Variants in APP observed in about 807,000 individuals in gnomAD.
APP encodes the protein amyloid-beta precursor protein.
A neutral mutation model predicts 101.4 loss-of-function variants in APP; 31 were observed. That is an observed-to-expected ratio of 0.31 (90% CI 0.23 to 0.41). The LOEUF (loss-of-function observed/expected upper bound fraction) is 0.41. APP is among the 10% of genes least tolerant of loss of function. The pLI, the probability that APP is intolerant of heterozygous loss-of-function variation, is 1.00. For synonymous variants in APP, 366 were observed against 364.4 expected (o/e 1.00, Z -0.05); for missense variants, 839 against 1,003.7 (o/e 0.84, Z 2.22).
At chr21:26,157,413 G>T (rs1052920970) in intron 1 of APP, among the ~76,000 whole-genome samples, 2 of 152,138 alleles carry the variant, frequency 1.3e-5, no homozygotes, top group Non-Finnish European at 2.9e-5. Context: ...TGAAATGTTA[G>T]AAAGTAAAAC....
intron 5 of APP, among the ~76,000 whole-genome samples, chr21:26,027,276 A>G (rs774252283): frequency 1.3e-5 from 2 of 152,160 alleles, no homozygotes; most frequent in Non-Finnish European, 2.9e-5. Flanking sequence ...GAAAATGGGA[A>G]AAAAGAGTCT....
At chr21:25,986,586 G>C (rs892896338) in intron 8 of APP, among the ~76,000 whole-genome samples, 2 of 150,310 alleles carry the variant, frequency 1.3e-5, no homozygotes, top group Non-Finnish European at 2.9e-5. Context: ...TGTAATCCCA[G>C]CTACTTGGGA....
At chr21:25,974,970 T>G in intron 11 of APP, 100 bp downstream of exon 11, 1 of 1,529,782 alleles carries the variant, frequency 6.5e-7, no homozygotes, top group Non-Finnish European at 8.9e-7. Context: ...GCTCAAGGCA[T>G]TTCTCCTCAT....
chr21:25,896,925 G>A (rs1477903109), intron 16 of APP, among the ~76,000 whole-genome samples: 1 of 152,178 alleles, frequency 6.6e-6, no homozygotes, highest in African/African-American at 2.4e-5. Context: ...GTGAATTTAA[G>A]CCACATAAAG....
At chr21:25,982,201 G>T in intron 9 of APP, 143 bp downstream of exon 9, 1 of 936,028 alleles carries the variant, frequency 1.1e-6, no homozygotes, top group Non-Finnish European at 1.7e-6. Context: ...CACAAACTGT[G>T]CCCACACAGT....
chr21:25,886,077 T>C (rs2037303938), intron 17 of APP, among the ~76,000 whole-genome samples: 2 of 151,900 alleles, frequency 1.3e-5, no homozygotes, highest in African/African-American at 4.8e-5. Context: ...CAGAATCCTG[T>C]CATTGAGATG....
intron 3 of APP, among the ~76,000 whole-genome samples, chr21:26,058,933 T>C (rs1049984581): frequency 1.3e-5 from 2 of 151,598 alleles, no homozygotes; most frequent in African/African-American, 2.4e-5. Flanking sequence ...TACAAAAAAT[T>C]AGCCGGGCGT....
chr21:26,005,548 C>T (rs1473105601), intron 6 of APP, among the ~76,000 whole-genome samples: 1 of 152,170 alleles, frequency 6.6e-6, no homozygotes, highest in Non-Finnish European at 1.5e-5. Context: ...TCCTTTACAT[C>T]CCTCTCTAGC....
rs200990709 is a variant in APP, at chr21:26,170,743, C to G, written c.-123G>C. The G allele has an allele frequency of 1.3e-5, 14 of 1,056,450 alleles. No homozygotes were observed. The highest frequency in any genetic ancestry group is 3.2e-5 in the East Asian group (1 of 31,502). The allele number at this position is 1,056,450 out of a possible 1,614,324, so 65.4% of individuals were successfully genotyped here. A position where few individuals can be genotyped will look rare whatever the true frequency, so the allele number is the denominator to read the frequency against. On this transcript the variant is annotated 5_prime_UTR_variant, in exon 1 of 18. Transcript: ENST00000346798. Reference sequence around the variant, plus strand: ...CCCCGCGCACGCTCCTCCGCGTGCTCTCGCCTACCGCTGCCGAGGAAACTG... The same window carrying G: ...CCCCGCGCACGCTCCTCCGCGTGCTGTCGCCTACCGCTGCCGAGGAAACTG...
At chr21:25,974,459 C>T (rs1051527367) in intron 11 of APP, among the ~76,000 whole-genome samples, 1 of 152,046 alleles carries the variant, frequency 6.6e-6, no homozygotes, top group Non-Finnish European at 1.5e-5. Flanking sequence ...CATTAGTACC[C>T]TTATAAAAGA....
intron 1 of APP, among the ~76,000 whole-genome samples, chr21:26,132,258 GT>G (rs900831915): frequency 2.6e-5 from 4 of 152,070 alleles, no homozygotes; most frequent in African/African-American, 9.7e-5. Flanking sequence ...CAAATATGGT[GT>G]TTGGGACTCA....
chr21:26,148,848 G>A (rs2063206335), intron 1 of APP, among the ~76,000 whole-genome samples: 1 of 152,140 alleles, frequency 6.6e-6, no homozygotes, highest in African/African-American at 2.4e-5. Context: ...AATCTATTTA[G>A]ATACTTTGTA....
chr21:25,918,460 T>C (rs2039462326), intron 13 of APP, among the ~76,000 whole-genome samples: 1 of 152,084 alleles, frequency 6.6e-6, no homozygotes. Flanking sequence ...CGCATTTCCA[T>C]CTGAGATACC....
At chr21:26,010,075 T>C (rs1568850015) in intron 6 of APP, among the ~76,000 whole-genome samples, 1 of 152,136 alleles carries the variant, frequency 6.6e-6, no homozygotes, top group Non-Finnish European at 1.5e-5. Flanking sequence ...GTTAACTGGC[T>C]TCTTGTCACA....
At chr21:25,928,894 G>T (rs918656516) in intron 13 of APP, 1 of 144,028 alleles carries the variant, frequency 6.9e-6, no homozygotes, top group Non-Finnish European at 1.5e-5. Context: ...GCTAGTTTTT[G>T]TATTTTTAGT....
chr21:25,954,639 G>A lies in APP; in HGVS notation c.1638C>T (p.Ser546=), dbSNP rs1175639806. The change falls in exon 13 of 18, where the codon TCC becomes TCT. Residue 546 remains serine, a synonymous_variant. Transcript: ENST00000346798. The part of the protein sequence containing the change: ...VIYERMNQSL[S]LLYNVPAVAE... Reference sequence around the variant, plus strand: ...CCACTGCAGGCACGTTGTAGAGCAGGGAGAGAGACTGATTCATGCGCTCAT... The same window carrying A: ...CCACTGCAGGCACGTTGTAGAGCAGAGAGAGAGACTGATTCATGCGCTCAT... 6.2e-7 allele frequency: 1 copy of A among 1,614,120 alleles called. No homozygotes were observed. Among genetic ancestry groups the A allele is most frequent in the Non-Finnish European group, 8.5e-7 (1 of 1,179,998 alleles).
intron 15 of APP, among the ~76,000 whole-genome samples, chr21:25,904,000 G>GC (rs11440718): frequency 1 from 152,347 of 152,348 alleles, 76,173 homozygotes; most frequent in Middle Eastern, 1. Context: ...GGGTCTCCTG[G>GC]TCTGCTGCTG....
chr21:25,888,906 T>C (rs2037514440), intron 17 of APP, among the ~76,000 whole-genome samples: 1 of 152,212 alleles, frequency 6.6e-6, no homozygotes, highest in Non-Finnish European at 1.5e-5. Context: ...GTTAAAATGA[T>C]GTGTCAGGGA....
At position 25,947,422 on chromosome 21, in the gene APP, G is replaced by A. The variant is rs544777718; in HGVS notation, c.1687+7168C>T. 5.3e-5 allele frequency among the ~76,000 whole-genome samples: 8 copies of A among 152,346 alleles called. 1 individual carries two copies. The South Asian group carries it at 1.7e-3, about 32-fold the overall frequency. On this transcript the variant is annotated intron_variant, in intron 13 of 17. Coordinates refer to ENST00000346798, the MANE Select transcript of APP (RefSeq NM_000484.4). ...CATTCACACATTTGTATCTTGCTGT[G>A]TGGAGACATTTCAACATGGCAGTCC...
Sources: gnomAD v4.1 joint callset for allele counts (sites outside exome capture counted in the v4.1 genomes callset) on GRCh38, gnomAD v4.1.1 for gene constraint, MANE v1.5 for transcripts, NCBI Gene and HGNC (gene_info 2026-07-23, HGNC 2026-07-21) for gene names.